DPH6: variants seen among roughly 807,000 people sequenced by gnomAD.
The protein encoded by DPH6 is diphthamine biosynthesis 6.
A neutral mutation model predicts 38.2 loss-of-function variants in DPH6; 33 were observed. The ratio of observed to expected loss-of-function variants is 0.86; its 90% CI spans 0.65 to 1.15. The LOEUF (loss-of-function observed/expected upper bound fraction) is 1.15. DPH6 is among the 50% of genes most tolerant of loss of function. The probability of loss-of-function intolerance (pLI) is 0.00; values close to 1 mark genes in which losing one functional copy is unlikely to be tolerated. For synonymous variants in DPH6, 108 were observed against 103.0 expected, an observed-to-expected ratio of 1.05 and a Z score of -0.30; for missense variants, 325 against 320.0, an observed-to-expected ratio of 1.02 and a Z score of -0.12.
At chr15:35,163,277 C>T in the DPH6 span, among the ~76,000 whole-genome samples, 1 of 151,810 alleles carries the variant, frequency 6.6e-6, no homozygotes, top group African/African-American at 2.4e-5. Flanking sequence ...GTTTTACTGC[C>T]ATTTATCTTT....
At chr15:35,164,361 A>G in the DPH6 span, among the ~76,000 whole-genome samples, 3 of 151,922 alleles carry the variant, frequency 2.0e-5, no homozygotes, top group Non-Finnish European at 4.4e-5. Flanking sequence ...TTACAATCTA[A>G]TCTATTTCCC....
intron 3 of DPH6, among the ~76,000 whole-genome samples, chr15:35,310,433 C>T (rs540956003): frequency 2.2e-4 from 34 of 151,924 alleles, no homozygotes; most frequent in African/African-American, 5.6e-4. Flanking sequence ...AACAGTGGGG[C>T]GAGAAAAGAG....
At position 35,347,882 on chromosome 15, in the gene DPH6, G is replaced by T. The variant is rs546978994; in HGVS notation, n.208-16805C>A. The stretch of plus-strand genomic sequence containing the variant: ...GGTAATATCATTGTTGTTTTGATTT[G>T]CATTTCCCTGATAGTGATGTTGAGC... On this transcript the variant is annotated intron_variant and non_coding_transcript_variant, in intron 3 of 3. Coordinates refer to the DPH6 transcript ENST00000558973. Among the ~76,000 whole-genome samples, 162 of 152,122 alleles carry T rather than the reference G, an allele frequency of 1.1e-3. 1 individual carries two copies. The Middle Eastern group carries it at 0.017, about 16-fold the overall frequency.
intron 3 of DPH6, among the ~76,000 whole-genome samples, chr15:35,481,932 C>T (rs2054332291): frequency 6.6e-6 from 1 of 152,054 alleles, no homozygotes; most frequent in Non-Finnish European, 1.5e-5. Context: ...CAATGATAAA[C>T]CTGGATAAAC....
chr15:35,290,359 C>T (rs917143435), intron 3 of DPH6, among the ~76,000 whole-genome samples: 1 of 152,194 alleles, frequency 6.6e-6, no homozygotes, highest in Non-Finnish European at 1.5e-5. Flanking sequence ...GCACACCCTG[C>T]ACATGCTGTA....
the DPH6 span, among the ~76,000 whole-genome samples, chr15:35,182,267 C>T: frequency 8.1e-5 from 9 of 110,982 alleles, no homozygotes; most frequent in African/African-American, 3.0e-4. Flanking sequence ...ACTTTTAAGG[C>T]CAAAAACCCT....
chr15:35,281,113 C>T (rs1285866606), intron 3 of DPH6, among the ~76,000 whole-genome samples: 2 of 151,842 alleles, frequency 1.3e-5, no homozygotes, highest in African/African-American at 2.4e-5. Flanking sequence ...CCTCCCCCCA[C>T]AAATATGATA....
chr15:35,448,696 C>T (rs2053888606), intron 5 of DPH6, among the ~76,000 whole-genome samples: 1 of 152,038 alleles, frequency 6.6e-6, no homozygotes, highest in Non-Finnish European at 1.5e-5. Context: ...AATTAAATTA[C>T]AGTCTCCCAC....
At chr15:35,303,684 G>A (rs567248278) in intron 3 of DPH6, among the ~76,000 whole-genome samples, 25 of 150,224 alleles carry the variant, frequency 1.7e-4, no homozygotes, top group African/African-American at 5.9e-4. Context: ...AGATCAGTTA[G>A]CTCTGGAGTT....
intron 3 of DPH6, among the ~76,000 whole-genome samples, chr15:35,348,178 C>G (rs1416824651): frequency 6.6e-6 from 1 of 152,126 alleles, no homozygotes; most frequent in African/African-American, 2.4e-5. Flanking sequence ...TCTATGTTTA[C>G]TTTTGTTGTC....
At chr15:35,216,346 G>A (rs1239148965), downstream of DPH6, among the ~76,000 whole-genome samples, 1 of 152,192 alleles carries the variant, frequency 6.6e-6, no homozygotes, top group Non-Finnish European at 1.5e-5. Flanking sequence ...ATAGTATATA[G>A]ATTTGTTTTC....
chr15:35,234,132 T>A (rs377633671), intron 3 of DPH6, among the ~76,000 whole-genome samples: 1 of 152,306 alleles, frequency 6.6e-6, no homozygotes, highest in South Asian at 2.1e-4. Context: ...AGTGAATGCA[T>A]GAAGAAATGG....
chr15:35,319,828 C>T (rs746804794), intron 3 of DPH6, among the ~76,000 whole-genome samples: 35 of 151,722 alleles, frequency 2.3e-4, no homozygotes, highest in Non-Finnish European at 3.4e-4. Flanking sequence ...TAGAGGCATG[C>T]TACCAACATA....
chr15:35,465,414 C>T (rs1248675258), intron 3 of DPH6, among the ~76,000 whole-genome samples: 1 of 152,118 alleles, frequency 6.6e-6, no homozygotes, highest in African/African-American at 2.4e-5. Context: ...TGAATGCCAA[C>T]GACGTTCTAG....
intron 3 of DPH6, among the ~76,000 whole-genome samples, chr15:35,536,869 C>T (rs1375237818): frequency 2.0e-5 from 3 of 152,008 alleles, no homozygotes; most frequent in Non-Finnish European, 4.4e-5. Flanking sequence ...AAGTAGGATT[C>T]TTTTAAGCCT....
chr15:35,511,210 C>T (rs1395940123), intron 3 of DPH6, among the ~76,000 whole-genome samples: 1 of 152,086 alleles, frequency 6.6e-6, no homozygotes, highest in Non-Finnish European at 1.5e-5. Flanking sequence ...GGTTTCACAG[C>T]TTATTCTTCA....
intron 3 of DPH6, among the ~76,000 whole-genome samples, chr15:35,353,982 A>C (rs910986964): frequency 6.6e-6 from 1 of 152,094 alleles, no homozygotes; most frequent in Non-Finnish European, 1.5e-5. Flanking sequence ...GTTCTCCTTG[A>C]AGAGGTCCTT....
chr15:35,377,524 T>C (rs1375584384), intron 7 of DPH6, among the ~76,000 whole-genome samples: 1 of 152,138 alleles, frequency 6.6e-6, no homozygotes, highest in African/African-American at 2.4e-5. Context: ...TGAATATACA[T>C]ATATATGTAA....
intron 7 of DPH6, 123 bp downstream of exon 7, chr15:35,381,699 T>A: frequency 2.8e-6 from 2 of 726,480 alleles, no homozygotes; most frequent in Admixed American, 2.6e-5. Flanking sequence ...ACAAATTGAG[T>A]GTTTGTGAAC....
Sources: gnomAD v4.1 joint callset for allele counts (sites outside exome capture counted in the v4.1 genomes callset) on GRCh38, gnomAD v4.1.1 for gene constraint, MANE v1.5 for transcripts, NCBI Gene and HGNC (gene_info 2026-07-23, HGNC 2026-07-21) for gene names.